The following COL11A1 variants were observed in gnomAD, a reference collection of about 807,000 sequenced individuals.
COL11A1 encodes collagen alpha-1(XI) chain.
In COL11A1, 74 loss-of-function variants were observed where a neutral mutation model predicts 265.2. That is an observed-to-expected ratio of 0.28 (90% confidence interval 0.23 to 0.34). The LOEUF is 0.34. Ranked by LOEUF, COL11A1 falls within the 10% of genes least tolerant of loss-of-function variation. The pLI is 1.00. For missense variants in COL11A1, 2,165 were observed against 2,263.6 expected (o/e 0.96, Z 0.88); for synonymous variants, 816 against 727.6 (o/e 1.12, Z -1.96).
In COL11A1 at chr1:102,984,149, G is replaced by A. The variant is rs1663309640; in HGVS notation, c.2545C>T (p.Gln849Ter). The A allele has an allele frequency of 6.2e-7, 1 of 1,600,896 alleles. No homozygotes were observed. The highest frequency in any genetic ancestry group is 1.7e-5 in the Admixed American group (1 of 59,766). ...TCAAGCTGTTTTACCTTTGGACCTT[G>A]TCTTCCTGGATATCCTGGTAATCCT... Reference protein sequence around the residue: ...VPGLPGYPGRQGPKGSTGFPG... With the variant: ...VPGLPGYPGR Residue 849 changes from glutamine to a stop codon, truncating the protein, a stop_gained, in exon 31 of 67, where the codon CAA becomes TAA. Coordinates refer to ENST00000370096, the MANE Select transcript of COL11A1 (RefSeq NM_001854.4). LOFTEE classifies it high-confidence loss of function.
At chr1:103,105,810 C>A (rs1246849481) in intron 1 of COL11A1, among the ~76,000 whole-genome samples, 1 of 152,082 alleles carries the variant, frequency 6.6e-6, no homozygotes, top group East Asian at 1.9e-4. Flanking sequence ...CATTAATATA[C>A]TATTATTCCC....
At chr1:103,004,298 A>G (rs1665395632) in intron 20 of COL11A1, 146 bp downstream of exon 20, 2 of 634,510 alleles carry the variant, frequency 3.2e-6, no homozygotes. Flanking sequence ...TATCCTTTTT[A>G]ATTTTTTTCG....
chr1:102,913,799 T>C, intron 52 of COL11A1, 109 bp from the exon 53 acceptor site: 1 of 966,626 alleles, frequency 1.0e-6, no homozygotes, highest in South Asian at 1.3e-5. Flanking sequence ...AATTATCAGA[T>C]GGACAAGTAA....
At chr1:102,973,702 T>C (rs1662194232) in intron 36 of COL11A1, among the ~76,000 whole-genome samples, 1 of 152,150 alleles carries the variant, frequency 6.6e-6, no homozygotes, top group African/African-American at 2.4e-5. Context: ...TACTTTATAT[T>C]TAACACTAGC....
chr1:103,024,736 C>G (rs1348857621), intron 7 of COL11A1, among the ~76,000 whole-genome samples: 1 of 152,036 alleles, frequency 6.6e-6, no homozygotes, highest in Non-Finnish European at 1.5e-5. Flanking sequence ...TTATTATTCA[C>G]AATTTTGTGT....
chr1:103,097,870 A>G (rs1329188876), intron 1 of COL11A1, among the ~76,000 whole-genome samples: 1 of 152,042 alleles, frequency 6.6e-6, no homozygotes, highest in East Asian at 1.9e-4. Context: ...AGTGATTAAC[A>G]TAGAAGATAG....
chr1:103,030,926 A>G (rs993352796), intron 5 of COL11A1, 190 bp downstream of exon 5: 3 of 663,534 alleles, frequency 4.5e-6, no homozygotes, highest in Non-Finnish European at 7.6e-6. Flanking sequence ...TTATGTAATC[A>G]AATGCTTAAA....
At chr1:102,914,262 A>G (rs1446555433) in intron 52 of COL11A1, 90 bp downstream of exon 52, 2 of 990,754 alleles carry the variant, frequency 2.0e-6, no homozygotes. Context: ...GAGTTCACTT[A>G]GGTTATTAGA....
chr1:102,969,615 C>T (rs1351778265), intron 37 of COL11A1, among the ~76,000 whole-genome samples: 1 of 152,214 alleles, frequency 6.6e-6, no homozygotes, highest in Non-Finnish European at 1.5e-5. Context: ...AATTGTTATA[C>T]ACATGGTAAG....
In COL11A1 at chr1:102,921,336, C is replaced by A. The variant is rs74984164; in HGVS notation, c.3708+182G>T. Among the ~76,000 whole-genome samples the A allele has an allele frequency of 0.013, 1,932 of 152,204 alleles. 23 individuals are homozygous for A. The highest frequency in any genetic ancestry group is 0.023 in the Non-Finnish European group (1,568 of 68,010). ...TATGTTACATTTTCCATGATTTGTT[C>A]ACTATAAATTCCATTTATTTCATTG... On this transcript the variant is annotated intron_variant, in intron 48 of 66. Transcript: ENST00000370096.
rs1218491017 is a variant in COL11A1, at chr1:102,978,870, G to A, written c.2699C>T (p.Pro900Leu). 2 of 1,614,014 alleles carry A rather than the reference G, an allele frequency of 1.2e-6. No individual in the cohort carries two copies. The highest frequency in any genetic ancestry group is 1.3e-5 in the African/African-American group (1 of 74,904). Residue 900 changes from proline to leucine, a missense_variant, in exon 34 of 67, where the codon CCT becomes CTT. Pro to Leu is a moderately conservative substitution (Grantham distance 98). Transcript: ENST00000370096. Reference sequence around the variant, plus strand: ...AAGTACAGGTGATACCTTTGGCCCAGGTTTCCCAGTGGGACCTCTTGCACC... The same window carrying A: ...AAGTACAGGTGATACCTTTGGCCCAAGTTTCCCAGTGGGACCTCTTGCACC... ...SRGARGPTGK[P>L]GPKGTSGGDG...
intron 4 of COL11A1, among the ~76,000 whole-genome samples, chr1:103,051,971 C>G (rs1004776280): frequency 1.1e-4 from 17 of 152,136 alleles, no homozygotes; most frequent in Admixed American, 9.2e-4. Flanking sequence ...CAAATTTAAA[C>G]AGTTTGTATA....
At chr1:102,923,451 T>A in intron 46 of COL11A1, 62 bp from the exon 47 acceptor site, 1 of 1,282,982 alleles carries the variant, frequency 7.8e-7, no homozygotes, top group Admixed American at 2.1e-5. Context: ...AAAAGTTTGG[T>A]CAATTTCTAA....
chr1:103,096,530 C>G (rs189909596), intron 1 of COL11A1, among the ~76,000 whole-genome samples: 10 of 152,018 alleles, frequency 6.6e-5, no homozygotes, highest in Admixed American at 2.6e-4. Context: ...TTAATAAATA[C>G]TGTTAGAAAT....
At position 102,898,077 on chromosome 1, in the gene COL11A1, T is replaced by A. The variant is rs114611626; in HGVS notation, c.4302+48A>T. The A allele has an allele frequency of 4.9e-4, 626 of 1,274,654 alleles. 6 individuals are homozygous for A. The African/African-American group carries it at 8.5e-3, about 17-fold the overall frequency. The allele number at this position is 1,274,654 out of a possible 1,614,324, so 79.0% of individuals were successfully genotyped here. ...AAAAATTCTAGCTAATAAACAATTT[T>A]GTTTTAGAAATTCTCACTTTTTAAA... On this transcript the variant is annotated intron_variant, in intron 57 of 66. Transcript: ENST00000370096.
intron 18 of COL11A1, 134 bp downstream of exon 18, chr1:103,005,704 G>A: frequency 1.1e-6 from 1 of 940,866 alleles, no homozygotes; most frequent in Non-Finnish European, 1.7e-6. Context: ...TTTCCTTCTA[G>A]TATCTATTAG....
chr1:103,074,637 A>G lies in COL11A1; in HGVS notation c.632T>C (p.Leu211Ser), dbSNP rs1354576547. 6.2e-7 allele frequency: 1 copy of G among 1,613,158 alleles called. No individual in the cohort carries two copies. ...TTTTACCTCAAAAACTTCTTCATCC[A>G]AAATCCTTGTTCCAAAAACCGTGAT... The part of the protein sequence containing the change: ...NGITVFGTRI[L>S]DEEVFEGDIQ... The change falls in exon 4 of 67, where the codon TTG becomes TCG. Residue 211 changes from leucine (L) to serine (S), a missense_variant. By Grantham distance (145) the Leu-to-Ser change is moderately radical. Coordinates refer to ENST00000370096, the MANE Select transcript of COL11A1 (RefSeq NM_001854.4).
chr1:103,040,778 A>G (rs945619871), intron 4 of COL11A1, among the ~76,000 whole-genome samples: 2 of 151,734 alleles, frequency 1.3e-5, no homozygotes, highest in African/African-American at 4.8e-5. Context: ...TAAGGAAACA[A>G]GTATGTAATA....
At chr1:103,046,823 T>G (rs1298620448) in intron 4 of COL11A1, among the ~76,000 whole-genome samples, 4 of 151,650 alleles carry the variant, frequency 2.6e-5, no homozygotes, top group African/African-American at 9.7e-5. Flanking sequence ...TTTCTACATA[T>G]GGCTAGCCAG....
Sources: gnomAD v4.1 joint callset for allele counts (sites outside exome capture counted in the v4.1 genomes callset) on GRCh38, gnomAD v4.1.1 for gene constraint, MANE v1.5 for transcripts, NCBI Gene and HGNC (gene_info 2026-07-23, HGNC 2026-07-21) for gene names.